The following AGFG2 variants were observed in gnomAD, a reference collection of about 807,000 sequenced individuals.
AGFG2 encodes the protein ArfGAP with FG repeats 2, also known as arf-GAP domain and FG repeat-containing protein 2.
AGFG2 carries 31 observed loss-of-function variants against 48.0 expected under a neutral mutation model. The ratio of observed to expected loss-of-function variants is 0.65; its 90% CI spans 0.49 to 0.87. AGFG2 has a LOEUF of 0.87. Ranked by LOEUF, AGFG2 falls within the 40% of genes least tolerant of loss-of-function variation. The pLI, the probability that AGFG2 is intolerant of heterozygous loss-of-function variation, is 0.00. For missense variants in AGFG2, 599 were observed against 632.6 expected (o/e 0.95, Z 0.57); for synonymous variants, 229 against 260.8 (o/e 0.88, Z 1.18).
chr7:100,548,745 T>C (rs976309925), intron 1 of AGFG2, 77 bp from the exon 2 acceptor site: 29 of 856,998 alleles, frequency 3.4e-5, no homozygotes, highest in Admixed American at 6.4e-5. Flanking sequence ...CCTTTCTCCC[T>C]CCTCCTCCTC....
intron 11 of AGFG2, 26 bp downstream of exon 11, chr7:100,564,329 G>C: frequency 6.2e-7 from 1 of 1,601,484 alleles, no homozygotes; most frequent in East Asian, 2.2e-5. Context: ...GGGGTGCTGT[G>C]GTAGGGCTCG....
At chr7:100,553,658 C>G (rs1230650180) in intron 4 of AGFG2, among the ~76,000 whole-genome samples, 158 bp downstream of exon 4, 1 of 152,222 alleles carries the variant, frequency 6.6e-6, no homozygotes, top group African/African-American at 2.4e-5. Context: ...TTTGTCACTT[C>G]TGGACCTCAT....
intron 5 of AGFG2, 142 bp downstream of exon 5, chr7:100,554,400 G>A: frequency 9.1e-7 from 1 of 1,096,616 alleles, no homozygotes; most frequent in Non-Finnish European, 1.3e-6. Context: ...AGGCTGGGAG[G>A]ACTGGGGTCA....
Position 100,567,928 on chromosome 7 carries a change from T to C in AGFG2, c.*2937T>C, listed in dbSNP as rs1359947343. 2.6e-5 allele frequency: 4 copies of C among 152,474 alleles called. No homozygotes were observed. The highest frequency in any genetic ancestry group is 5.9e-5 in the Non-Finnish European group (4 of 68,052). The allele number at this position is 152,474 out of a possible 1,614,324, so 9.4% of individuals were successfully genotyped here. A position where few individuals can be genotyped will look rare whatever the true frequency, so the allele number is the denominator to read the frequency against. On this transcript the variant is annotated 3_prime_UTR_variant, in exon 12 of 12. Transcript: ENST00000300176. ...AGGCAACTGATGTAGGCCAGTTGCG[T>C]GACTCCAGGTTTGTCCTGGTACTCA... is the stretch of plus-strand genomic sequence containing the variant.
At chr7:100,561,451 C>A (rs748008722) in intron 6 of AGFG2, among the ~76,000 whole-genome samples, 2 of 152,084 alleles carry the variant, frequency 1.3e-5, no homozygotes, top group Non-Finnish European at 2.9e-5. Context: ...CCATCTGGAC[C>A]CTCCTTTTAC....
intron 6 of AGFG2, among the ~76,000 whole-genome samples, chr7:100,557,416 C>T (rs1269925778): frequency 6.6e-6 from 1 of 152,108 alleles, no homozygotes; most frequent in Non-Finnish European, 1.5e-5. Flanking sequence ...TAAATTCTAA[C>T]AAAGACAAAT....
chr7:100,553,650 T>TGAG, intron 4 of AGFG2, 150 bp downstream of exon 4: 1 of 980,512 alleles, frequency 1.0e-6, no homozygotes, highest in Middle Eastern at 3.3e-4. Context: ...ATCTTGTATT[T>TGAG]GTCACTTCTG....
rs139205926 is a variant in AGFG2 at position 100,561,149 on chromosome 7, G to A, written c.878-1110G>A. On this transcript the variant is annotated intron_variant, in intron 6 of 11. Coordinates refer to ENST00000300176, the MANE Select transcript of AGFG2 (RefSeq NM_006076.5). ...TCCCTTTTTTTTTTTTTTTTGAGAC[G>A]GAGTTTCGCTCTTATTGCCCAGGCT... 3.0e-3 allele frequency among the ~76,000 whole-genome samples: 407 copies of A among 135,908 alleles called. 3 individuals are homozygous for A. Among genetic ancestry groups the A allele is most frequent in the African/African-American group, 0.011 (384 of 35,546 alleles). The allele number at this position is 135,908 out of a possible 152,430, so 89.2% of individuals were successfully genotyped here.
intron 1 of AGFG2, among the ~76,000 whole-genome samples, chr7:100,546,924 G>A (rs868407974): frequency 1.3e-5 from 2 of 152,136 alleles, no homozygotes; most frequent in South Asian, 2.1e-4. Flanking sequence ...CCTTGCTTTC[G>A]TTTTTCCCTG....
intron 5 of AGFG2, among the ~76,000 whole-genome samples, chr7:100,555,060 G>A (rs959418769): frequency 1.3e-5 from 2 of 151,968 alleles, no homozygotes; most frequent in African/African-American, 4.8e-5. Context: ...AAGAGGGCAG[G>A]GAGTGAACCT....
intron 10 of AGFG2, 75 bp downstream of exon 10, chr7:100,564,037 C>G: frequency 6.3e-7 from 1 of 1,582,430 alleles, no homozygotes; most frequent in Non-Finnish European, 8.6e-7. Flanking sequence ...GTTCCTCCGA[C>G]CTCATCAGAG....
chr7:100,555,250 TTG>T lies in AGFG2; in HGVS notation c.752-349_752-348del, dbSNP rs943747309. Among the ~76,000 whole-genome samples, 8 of 149,992 alleles carry T rather than the reference TTG, an allele frequency of 5.3e-5. No individual in the cohort carries two copies. In the East Asian group the frequency reaches 1.4e-3, roughly 26 times the overall value. ...ATATACATTTTCTTTTCTTTTTCTG[TTG>T]TGTGTGTGTGGTTTTTTTTTTTTTT... On this transcript the variant is annotated intron_variant, in intron 5 of 11. Transcript: ENST00000300176.
chr7:100,543,842 G>A (rs1228192229), intron 1 of AGFG2, among the ~76,000 whole-genome samples: 1 of 152,130 alleles, frequency 6.6e-6, no homozygotes, highest in African/African-American at 2.4e-5. Flanking sequence ...ACAATTGTAG[G>A]TCCCACACCT....
At chr7:100,543,817 TAC>T (rs757801804) in intron 1 of AGFG2, among the ~76,000 whole-genome samples, 22 of 152,200 alleles carry the variant, frequency 1.4e-4, no homozygotes, top group Non-Finnish European at 2.6e-4. Flanking sequence ...TTCCTAAATT[TAC>T]ATACATACTG....
At position 100,554,117 on chromosome 7, in the gene AGFG2, A is replaced by C. The variant is rs1276827467; in HGVS notation, c.610A>C (p.Thr204Pro). The change falls in exon 5 of 12, where the codon ACA becomes CCA. Residue 204 changes from threonine to proline, a missense_variant. Physicochemically the swap from Thr to Pro is conservative, Grantham distance 38. Coordinates refer to ENST00000300176, the MANE Select transcript of AGFG2 (RefSeq NM_006076.5). The stretch of plus-strand genomic sequence containing the variant: ...GCCCGTCAGTCAGTCTCACGCTCGG[A>C]CATCCCAGGCCCGGAGCACTCAGCC... ...SQPVSQSHAR[T>P]SQARSTQPPP... The C allele has an allele frequency of 6.2e-7, 1 of 1,613,902 alleles. No individual in the cohort carries two copies. The highest frequency in any genetic ancestry group is 1.1e-5 in the South Asian group (1 of 91,060).
At chr7:100,555,270 T>G (rs1289789893) in intron 5 of AGFG2, among the ~76,000 whole-genome samples, 2 of 135,956 alleles carry the variant, frequency 1.5e-5, no homozygotes, top group Non-Finnish European at 3.2e-5. Context: ...GTGGTTTTTT[T>G]TTTTTTTTTT....
intron 6 of AGFG2, among the ~76,000 whole-genome samples, chr7:100,558,525 T>G (rs957462083): frequency 8.6e-5 from 13 of 150,706 alleles, no homozygotes; most frequent in African/African-American, 2.9e-4. Context: ...AAAGACAGAG[T>G]TTTTTTTGTT....
At chr7:100,564,371 A>G in intron 11 of AGFG2, 68 bp downstream of exon 11, 2 of 1,507,432 alleles carry the variant, frequency 1.3e-6, no homozygotes, top group Non-Finnish European at 1.8e-6. Flanking sequence ...TCCTTCCAGA[A>G]GAGGCTGATG....
rs1800995406 is a variant in AGFG2, at chr7:100,565,869, G to T, written c.*878G>T. The T allele has an allele frequency of 6.7e-6, 1 of 149,144 alleles. No homozygotes were observed. The highest frequency in any genetic ancestry group is 2.1e-4 in the South Asian group (1 of 4,688). 9.2% of individuals were successfully genotyped at this position (149,144 alleles called of 1,614,324 possible). ...CAGAGCCTGGGTTTTCCAGGGAAAG[G>T]CTTTGTGCAATTGCCTGGTCTTTTT... On this transcript the variant is annotated 3_prime_UTR_variant, in exon 12 of 12. Coordinates refer to ENST00000300176, the MANE Select transcript of AGFG2 (RefSeq NM_006076.5).
Sources: gnomAD v4.1 joint callset for allele counts (sites outside exome capture counted in the v4.1 genomes callset) on GRCh38, gnomAD v4.1.1 for gene constraint, MANE v1.5 for transcripts, NCBI Gene and HGNC (gene_info 2026-07-23, HGNC 2026-07-21) for gene names.